Variants in SLC22A25 observed in about 807,000 individuals in gnomAD.
SLC22A25 encodes the protein MGI:2442751, MGI:2385316, MGI:3042283, MGI:3645714, MGI:3605624, MGI:2442750.
Under a neutral mutation model 45.9 loss-of-function variants are expected in SLC22A25, and 44 were observed. The observed-to-expected ratio is 0.96, with a 90% CI of 0.75 to 1.23. SLC22A25 has a LOEUF of 1.23. Among genes scored for constraint, SLC22A25 ranks in the 50% most tolerant of loss-of-function variants. The pLI is 0.00. For missense variants in SLC22A25, 800 were observed against 666.4 expected, an observed-to-expected ratio of 1.20 and a Z score of -2.21; for synonymous variants, 283 against 238.6, an observed-to-expected ratio of 1.19 and a Z score of -1.72.
At chr11:63,202,167 T>C (rs906745709) in intron 7 of SLC22A25, among the ~76,000 whole-genome samples, 2 of 152,118 alleles carry the variant, frequency 1.3e-5, no homozygotes, top group African/African-American at 2.4e-5. Flanking sequence ...GGAGATTCCC[T>C]TGGGTGCTTA....
At chr11:63,237,589 CCTT>C (rs1418606799) in intron 3 of SLC22A25, among the ~76,000 whole-genome samples, 2 of 152,168 alleles carry the variant, frequency 1.3e-5, no homozygotes, top group African/African-American at 4.8e-5. Context: ...TATCCTGTGA[CCTT>C]CTGTTATAGC....
At chr11:63,211,529 C>A (rs1306972101) in intron 7 of SLC22A25, among the ~76,000 whole-genome samples, 3 of 152,070 alleles carry the variant, frequency 2.0e-5, no homozygotes, top group Non-Finnish European at 4.4e-5. Context: ...CCAGTGGGGG[C>A]AATTGCAATA....
intron 1 of SLC22A25, among the ~76,000 whole-genome samples, chr11:63,240,530 CTT>C (rs1271197487): frequency 6.6e-6 from 1 of 152,056 alleles, no homozygotes; most frequent in East Asian, 1.9e-4. Flanking sequence ...ACTTTATAAA[CTT>C]TTTAGTTTTT....
chr11:63,181,924 T>C (rs896964605), intron 8 of SLC22A25, among the ~76,000 whole-genome samples: 4 of 152,040 alleles, frequency 2.6e-5, no homozygotes, highest in Admixed American at 2.0e-4. Context: ...TTTAACTATC[T>C]CTCAGTTATG....
chr11:63,191,929 A>G (rs367870942), intron 7 of SLC22A25, among the ~76,000 whole-genome samples: 62 of 152,272 alleles, frequency 4.1e-4, no homozygotes, highest in Admixed American at 1.3e-3. Context: ...AAGTTTCCCA[A>G]CTTAGCTAGA....
chr11:63,195,508 A>G (rs930857915), intron 7 of SLC22A25, among the ~76,000 whole-genome samples: 6 of 152,196 alleles, frequency 3.9e-5, no homozygotes, highest in Non-Finnish European at 8.8e-5. Flanking sequence ...ATGACTACCG[A>G]GTACATAACA....
intron 7 of SLC22A25, among the ~76,000 whole-genome samples, chr11:63,190,641 G>A (rs563920876): frequency 1.1e-3 from 173 of 151,442 alleles, no homozygotes; most frequent in African/African-American, 4.1e-3. Context: ...AGAGTTTCCA[G>A]TTTTTTTTAC....
Position 63,160,218 on chromosome 11 carries a change from A to G in SLC22A25, c.*3606T>C, listed in dbSNP as rs1034661702. Among the ~76,000 whole-genome samples, 3 of 152,174 alleles carry G rather than the reference A, an allele frequency of 2.0e-5. No individual in the cohort carries two copies. The highest frequency in any genetic ancestry group is 4.4e-5 in the Non-Finnish European group (3 of 68,026). On this transcript the variant is annotated 3_prime_UTR_variant, in exon 12 of 12. Transcript: ENST00000306494. ...AAAATGTCTCCAGGGCATGTCAGAG[A>G]CCTTTGTGACAGCCCTTCCTATCAC...
chr11:63,232,338 A>G (rs1343655197), intron 3 of SLC22A25, among the ~76,000 whole-genome samples: 3 of 152,102 alleles, frequency 2.0e-5, no homozygotes, highest in Non-Finnish European at 4.4e-5. Context: ...CTCCTTGAAG[A>G]GGTCCTTCAC....
rs1176371824 is a variant in SLC22A25 at position 63,164,158 on chromosome 11, T to C, written c.1395-85A>G. 3 of 1,489,924 alleles carry C rather than the reference T, an allele frequency of 2.0e-6. No homozygotes were observed. In the East Asian group the frequency reaches 6.8e-5, roughly 34 times the overall value. The allele number at this position is 1,489,924 out of a possible 1,614,324, so 92.3% of individuals were successfully genotyped here. A position where few individuals can be genotyped will look rare whatever the true frequency, so the allele number is the denominator to read the frequency against. ...TTTATCATTTTGCTGTGATTATGGA[T>C]GAGCACTTAAACACATGGAGGTGAT... On this transcript the variant is annotated intron_variant, in intron 11 of 11. Coordinates refer to ENST00000306494, the MANE Select transcript of SLC22A25 (RefSeq NM_199352.6).
intron 4 of SLC22A25, among the ~76,000 whole-genome samples, chr11:63,228,840 A>G (rs915448600): frequency 6.6e-6 from 1 of 152,168 alleles, no homozygotes; most frequent in African/African-American, 2.4e-5. Flanking sequence ...ACCTTTAAAT[A>G]TTTTTGGTTG....
chr11:63,168,992 GA>G (rs2087782760), intron 9 of SLC22A25, among the ~76,000 whole-genome samples: 1 of 152,176 alleles, frequency 6.6e-6, no homozygotes, highest in Non-Finnish European at 1.5e-5. Context: ...CTACAATCCA[GA>G]AGAGAGTGAA....
rs2087525568 is a variant in SLC22A25, at chr11:63,160,608, G to C, written c.*3216C>G. On this transcript the variant is annotated 3_prime_UTR_variant, in exon 12 of 12. Transcript: ENST00000306494. ...ATACACAGAGTCTCCATCGGAGACT[G>C]CTTAGTGGAGCTGTGAGAAGAGGGT... Among the ~76,000 whole-genome samples the C allele has an allele frequency of 6.6e-6, 1 of 152,186 alleles. No homozygotes were observed. The highest frequency in any genetic ancestry group is 2.4e-5 in the African/African-American group (1 of 41,432).
chr11:63,205,452 TA>T (rs1280042257), intron 7 of SLC22A25, among the ~76,000 whole-genome samples: 2 of 151,828 alleles, frequency 1.3e-5, no homozygotes, highest in African/African-American at 4.8e-5. Context: ...ATTGGCACAA[TA>T]AAAAATGATA....
chr11:63,214,495 T>C (rs529342835), intron 7 of SLC22A25, among the ~76,000 whole-genome samples: 1 of 152,310 alleles, frequency 6.6e-6, no homozygotes, highest in East Asian at 1.9e-4. Flanking sequence ...AGCTGGAGTC[T>C]TTTAAAAATT....
At chr11:63,190,592 G>T (rs2088769942) in intron 7 of SLC22A25, among the ~76,000 whole-genome samples, 1 of 152,084 alleles carries the variant, frequency 6.6e-6, no homozygotes, top group Admixed American at 6.6e-5. Context: ...CTGGTGAGGA[G>T]CTGCATTCCT....
chr11:63,227,845 C>T (rs561515853), intron 5 of SLC22A25, among the ~76,000 whole-genome samples: 2 of 152,324 alleles, frequency 1.3e-5, no homozygotes, highest in East Asian at 3.9e-4. Flanking sequence ...GGTGATTCAC[C>T]TCTGTGGCTA....
At chr11:63,197,088 A>C (rs965744381) in intron 7 of SLC22A25, among the ~76,000 whole-genome samples, 11 of 152,008 alleles carry the variant, frequency 7.2e-5, no homozygotes, top group African/African-American at 2.7e-4. Context: ...ACAAACCACT[A>C]CTCAACGAAA....
chr11:63,160,386 A>T lies in SLC22A25; in HGVS notation c.*3438T>A, dbSNP rs2087523526. Among the ~76,000 whole-genome samples the T allele has an allele frequency of 6.6e-6, 1 of 152,232 alleles. No individual in the cohort carries two copies. The highest frequency in any genetic ancestry group is 2.4e-5 in the African/African-American group (1 of 41,464). Reference sequence around the variant, plus strand: ...GTGGCTTCAGAGGGTGCAAGCCCCAAGCCTTGACAGCTTCCATGTGGTGTT... The same window carrying T: ...GTGGCTTCAGAGGGTGCAAGCCCCATGCCTTGACAGCTTCCATGTGGTGTT... On this transcript the variant is annotated 3_prime_UTR_variant, in exon 12 of 12. Coordinates refer to ENST00000306494, the MANE Select transcript of SLC22A25 (RefSeq NM_199352.6).
Sources: gnomAD v4.1 joint callset for allele counts (sites outside exome capture counted in the v4.1 genomes callset) on GRCh38, gnomAD v4.1.1 for gene constraint, MANE v1.5 for transcripts, NCBI Gene and HGNC (gene_info 2026-07-23, HGNC 2026-07-21) for gene names.